Variants in LSAMP observed in about 807,000 individuals in gnomAD.
LSAMP encodes limbic system-associated membrane protein.
LSAMP carries 7 observed loss-of-function variants against 38.6 expected under a neutral mutation model. That is an observed-to-expected ratio of 0.18 (90% CI 0.10 to 0.34). LSAMP has a LOEUF of 0.34. Among genes scored for constraint, LSAMP ranks in the 10% least tolerant of loss-of-function variants. The pLI, the probability that LSAMP is intolerant of heterozygous loss-of-function variation, is 1.00. For missense variants in LSAMP, 313 were observed against 420.0 expected, an observed-to-expected ratio of 0.75 and a Z score of 2.23; for synonymous variants, 154 against 166.8, an observed-to-expected ratio of 0.92 and a Z score of 0.59.
chr3:116,092,196 T>C lies in LSAMP; in HGVS notation c.156-5640A>G, dbSNP rs1431819170. On this transcript the variant is annotated intron_variant, in intron 1 of 6. Transcript: ENST00000490035. ...TCAATTATAAAATATTCATTAATTA[T>C]CTAATAGGTACAGTAAAGATGGATA... 3.3e-5 allele frequency among the ~76,000 whole-genome samples: 5 copies of C among 152,196 alleles called. No individual in the cohort carries two copies. In the South Asian group the frequency reaches 1.0e-3, roughly 31 times the overall value.
At position 116,305,953 on chromosome 3, in the gene LSAMP, T is replaced by C. The variant is rs181314411; in HGVS notation, c.155+138924A>G. Among the ~76,000 whole-genome samples, 50 of 150,836 alleles carry C rather than the reference T, an allele frequency of 3.3e-4. No homozygotes were observed. In the East Asian group the frequency reaches 9.2e-3, roughly 28 times the overall value. ...CAGTGCTTTTTTTTTTTTTTTACTATATAATCACTTTATCTTCAGTTGCTT... is the reference window on the plus strand; with the variant it reads ...CAGTGCTTTTTTTTTTTTTTTACTACATAATCACTTTATCTTCAGTTGCTT... On this transcript the variant is annotated intron_variant, in intron 1 of 6. Transcript: ENST00000490035.
At chr3:116,268,205 T>TAA (rs11429966) in intron 1 of LSAMP, among the ~76,000 whole-genome samples, 24 of 149,560 alleles carry the variant, frequency 1.6e-4, no homozygotes, top group Admixed American at 4.0e-4. Flanking sequence ...GAGTGGCCAT[T>TAA]AAAAAAAAAA....
chr3:115,927,040 A>G (rs1274816829), intron 3 of LSAMP, among the ~76,000 whole-genome samples: 1 of 152,234 alleles, frequency 6.6e-6, no homozygotes, highest in Non-Finnish European at 1.5e-5. Flanking sequence ...TGAATTAATG[A>G]GAAGATAAAT....
At chr3:116,012,146 T>C (rs1940347169) in intron 3 of LSAMP, among the ~76,000 whole-genome samples, 1 of 152,224 alleles carries the variant, frequency 6.6e-6, no homozygotes, top group South Asian at 2.1e-4. Flanking sequence ...CAAATAAATC[T>C]ACCCGCACTC....
chr3:115,970,534 C>A (rs1287772842), intron 3 of LSAMP, among the ~76,000 whole-genome samples: 5 of 152,184 alleles, frequency 3.3e-5, no homozygotes, highest in Non-Finnish European at 5.9e-5. Context: ...AGGGCTCTTT[C>A]ATGCCCTTGG....
chr3:115,815,209 T>A (rs1933978120), intron 6 of LSAMP, among the ~76,000 whole-genome samples: 1 of 152,182 alleles, frequency 6.6e-6, no homozygotes, highest in African/African-American at 2.4e-5. Context: ...TAGAATTGTT[T>A]TATTATTATT....
At chr3:116,035,598 AACAAAG>A (rs1941029000) in intron 2 of LSAMP, among the ~76,000 whole-genome samples, 1 of 152,188 alleles carries the variant, frequency 6.6e-6, no homozygotes, top group Admixed American at 6.5e-5. Context: ...GATGCAAAAA[AACAAAG>A]ACAAACACAT....
intron 1 of LSAMP, among the ~76,000 whole-genome samples, chr3:116,373,655 G>A (rs1389404148): frequency 6.6e-6 from 1 of 151,752 alleles, no homozygotes; most frequent in Non-Finnish European, 1.5e-5. Context: ...CCCCAACTCT[G>A]CCCAGACCTA....
intron 1 of LSAMP, among the ~76,000 whole-genome samples, chr3:116,246,515 T>C (rs2046607640): frequency 6.6e-6 from 1 of 152,192 alleles, no homozygotes; most frequent in Non-Finnish European, 1.5e-5. Flanking sequence ...TGAATGACTA[T>C]AGCAGGCAAA....
chr3:116,043,852 A>G (rs1157525123), intron 2 of LSAMP, among the ~76,000 whole-genome samples: 2 of 152,234 alleles, frequency 1.3e-5, no homozygotes, highest in East Asian at 1.9e-4. Flanking sequence ...AGGCTGAGGC[A>G]GGAGAATGGC....
intron 3 of LSAMP, among the ~76,000 whole-genome samples, chr3:115,872,484 G>A (rs1207492088): frequency 2.0e-5 from 3 of 152,066 alleles, no homozygotes; most frequent in Non-Finnish European, 4.4e-5. Flanking sequence ...AGAGAGTGCA[G>A]GAGAAAATAG....
intron 4 of LSAMP, among the ~76,000 whole-genome samples, chr3:115,849,560 TCC>T (rs1253615374): frequency 1.3e-5 from 2 of 152,082 alleles, no homozygotes; most frequent in Middle Eastern, 6.3e-3. Flanking sequence ...ACCATCCTGA[TCC>T]CCTGACCTAA....
Position 115,807,994 on chromosome 3 carries a change from TC to T in LSAMP, c.*2322del, listed in dbSNP as rs1370389035. ...TCATGAAAGAAGGCTGTGATAAGCTTCTAAAACAAACAATAAAATCCCTTAG... is the reference window on the plus strand; with the variant it reads ...TCATGAAAGAAGGCTGTGATAAGCTTTAAAACAAACAATAAAATCCCTTAG... On this transcript the variant is annotated 3_prime_UTR_variant, in exon 7 of 7. Coordinates refer to ENST00000490035, the MANE Select transcript of LSAMP (RefSeq NM_002338.5). The T allele has an allele frequency of 6.6e-6, 1 of 152,060 alleles. No individual in the cohort carries two copies. Among genetic ancestry groups the T allele is most frequent in the African/African-American group, 2.4e-5 (1 of 41,414 alleles). The allele number at this position is 152,060 out of a possible 1,614,324, so 9.4% of individuals were successfully genotyped here.
In LSAMP at chr3:115,804,341, A is replaced by G. The variant is rs918800939; in HGVS notation, c.*5976T>C. 1 of 152,238 alleles carries G rather than the reference A, an allele frequency of 6.6e-6. No individual in the cohort carries two copies. The highest frequency in any genetic ancestry group is 2.4e-5 in the African/African-American group (1 of 41,452). 9.4% of individuals were successfully genotyped at this position (152,238 alleles called of 1,614,324 possible). ...AAGAGATTTTAGAGACGTCAGCCGAATCCCTCACTTTCAGGATGAGAAAAC... is the reference window on the plus strand; with the variant it reads ...AAGAGATTTTAGAGACGTCAGCCGAGTCCCTCACTTTCAGGATGAGAAAAC... On this transcript the variant is annotated 3_prime_UTR_variant, in exon 7 of 7. Coordinates refer to ENST00000490035, the MANE Select transcript of LSAMP (RefSeq NM_002338.5).
intron 1 of LSAMP, among the ~76,000 whole-genome samples, chr3:116,398,487 AG>A (rs565781382): frequency 1.3e-3 from 192 of 152,328 alleles, no homozygotes; most frequent in African/African-American, 4.3e-3. Flanking sequence ...TAGCTGACAA[AG>A]CTCTATGAAG....
intron 3 of LSAMP, among the ~76,000 whole-genome samples, chr3:115,941,475 C>T (rs1368574224): frequency 6.6e-6 from 1 of 152,052 alleles, no homozygotes. Flanking sequence ...TCTGTACCGC[C>T]ATGTTCACTG....
Position 116,352,702 on chromosome 3 carries a change from G to A in LSAMP, c.155+92175C>T, listed in dbSNP as rs530067291. On this transcript the variant is annotated intron_variant, in intron 1 of 6. Coordinates refer to ENST00000490035, the MANE Select transcript of LSAMP (RefSeq NM_002338.5). ...CGTTAATCTTAAAAAACATGCTTTT[G>A]TTTAAAGTTTTTCTTGTAACTAATT... Among the ~76,000 whole-genome samples the A allele has an allele frequency of 2.6e-5, 4 of 152,130 alleles. No homozygotes were observed. The South Asian group carries it at 8.3e-4, about 32-fold the overall frequency.
intron 1 of LSAMP, among the ~76,000 whole-genome samples, chr3:116,429,844 T>C (rs2049256765): frequency 6.6e-6 from 1 of 152,152 alleles, no homozygotes; most frequent in Non-Finnish European, 1.5e-5. Flanking sequence ...GTTTGAACCA[T>C]ATTGACCAAG....
At chr3:116,211,020 A>G (rs2046150101) in intron 1 of LSAMP, among the ~76,000 whole-genome samples, 1 of 152,082 alleles carries the variant, frequency 6.6e-6, no homozygotes, top group African/African-American at 2.4e-5. Context: ...AAAAACAAAA[A>G]CAAATCCTGA....
Sources: allele counts gnomAD v4.1 joint callset (sites outside exome capture counted in the v4.1 genomes callset), GRCh38; gene constraint gnomAD v4.1.1; transcripts MANE v1.5; gene names NCBI Gene and HGNC (gene_info 2026-07-23, HGNC 2026-07-21).